Variants in ZNF512 observed in about 807,000 individuals in gnomAD.
ZNF512 encodes the protein zinc finger protein 512.
In ZNF512, 25 loss-of-function variants were observed where a neutral mutation model predicts 77.5. The observed-to-expected ratio is 0.32, with a 90% CI of 0.23 to 0.45. The LOEUF is 0.45. Among genes scored for constraint, ZNF512 ranks in the 20% least tolerant of loss-of-function variants. The pLI is 1.00. For synonymous variants in ZNF512, 246 were observed against 239.9 expected (o/e 1.03, Z -0.24); for missense variants, 483 against 692.6 (o/e 0.70, Z 3.40).
intron 12 of ZNF512, 91 bp from the exon 13 acceptor site, chr2:27,617,382 C>A: frequency 1.4e-6 from 1 of 699,554 alleles, no homozygotes. Context: ...AAGTAGAATT[C>A]CCTCTTTTCA....
At chr2:27,587,731 G>T (rs1671400632) in intron 2 of ZNF512, among the ~76,000 whole-genome samples, 1 of 151,358 alleles carries the variant, frequency 6.6e-6, no homozygotes, top group Non-Finnish European at 1.5e-5. Context: ...GCCCAGGCTG[G>T]AGTGCAATGG....
chr2:27,585,973 T>C (rs565937827), intron 2 of ZNF512, among the ~76,000 whole-genome samples: 1 of 152,292 alleles, frequency 6.6e-6, no homozygotes, highest in East Asian at 1.9e-4. Context: ...TTGAGTGCTT[T>C]AAAAATAAAA....
intron 7 of ZNF512, among the ~76,000 whole-genome samples, 190 bp downstream of exon 7, chr2:27,601,632 C>G (rs1261995654): frequency 6.8e-6 from 1 of 147,358 alleles, no homozygotes; most frequent in Non-Finnish European, 1.5e-5. Flanking sequence ...CGCCACCACG[C>G]CTGGCTAATT....
intron 2 of ZNF512, among the ~76,000 whole-genome samples, chr2:27,585,746 A>T (rs1671294606): frequency 6.6e-6 from 1 of 152,192 alleles, no homozygotes; most frequent in Non-Finnish European, 1.5e-5. Flanking sequence ...AATAGGCTAA[A>T]CTTTTTATGT....
intron 6 of ZNF512, among the ~76,000 whole-genome samples, chr2:27,601,085 C>T (rs1672097400): frequency 6.6e-6 from 1 of 152,034 alleles, no homozygotes; most frequent in African/African-American, 2.4e-5. Context: ...TTATGTAGTC[C>T]ATGAGAGGAT....
chr2:27,600,829 G>C lies in ZNF512; in HGVS notation c.582+14G>C. The C allele has an allele frequency of 6.2e-7, 1 of 1,606,698 alleles. No individual in the cohort carries two copies. The highest frequency in any genetic ancestry group is 8.5e-7 in the Non-Finnish European group (1 of 1,177,446). On this transcript the variant is annotated intron_variant, in intron 6 of 13. Coordinates refer to ENST00000355467, the MANE Select transcript of ZNF512 (RefSeq NM_032434.4). ...AACTGCAAGCAGGTTAGATATTTTG[G>C]CGTTTCATAACTGTTACGATATTTT...
intron 9 of ZNF512, 87 bp from the exon 10 acceptor site, chr2:27,607,758 T>A (rs1021334889): frequency 7.9e-7 from 1 of 1,263,970 alleles, no homozygotes; most frequent in Non-Finnish European, 1.1e-6. Context: ...TCTTTTGATA[T>A]TTAGAGCAGG....
At chr2:27,599,447 A>G (rs774063389) in intron 3 of ZNF512, 136 bp from the exon 4 acceptor site, 11 of 635,442 alleles carry the variant, frequency 1.7e-5, no homozygotes, top group Non-Finnish European at 2.5e-5. Flanking sequence ...AAAATGTCAC[A>G]GACATTTCTC....
At chr2:27,587,193 G>A (rs1671366770) in intron 2 of ZNF512, among the ~76,000 whole-genome samples, 1 of 151,166 alleles carries the variant, frequency 6.6e-6, no homozygotes, top group African/African-American at 2.4e-5. Context: ...TACCAGCAAT[G>A]TATGAGTCAG....
At chr2:27,595,501 A>G (rs914659496) in intron 2 of ZNF512, among the ~76,000 whole-genome samples, 1 of 151,542 alleles carries the variant, frequency 6.6e-6, no homozygotes, top group African/African-American at 2.4e-5. Flanking sequence ...ATTCTTTTGT[A>G]TTTTTAGTAG....
intron 2 of ZNF512, among the ~76,000 whole-genome samples, chr2:27,587,977 GCCTT>G (rs1671413609): frequency 6.6e-6 from 1 of 151,642 alleles, no homozygotes; most frequent in Non-Finnish European, 1.5e-5. Context: ...ACCGCGCCCA[GCCTT>G]CATCTGTTCC....
At chr2:27,603,590 A>ATAT (rs1553352045) in intron 9 of ZNF512, among the ~76,000 whole-genome samples, 12 of 85,660 alleles carry the variant, frequency 1.4e-4, no homozygotes, top group South Asian at 4.4e-4. Context: ...GTGTGTGTAT[A>ATAT]TTTTTTTTTT....
At position 27,598,090 on chromosome 2, in the gene ZNF512, A is replaced by C; in HGVS notation, c.113A>C (p.Lys38Thr). The C allele has an allele frequency of 6.3e-7, 1 of 1,588,652 alleles. No individual in the cohort carries two copies. The highest frequency in any genetic ancestry group is 8.6e-7 in the Non-Finnish European group (1 of 1,161,264). The change falls in exon 3 of 14, where the codon AAG becomes ACG. Residue 38 changes from lysine to threonine, a missense_variant. Around this residue, in one of 2 missense-constraint regions of ZNF512, gnomAD observed 159 missense variants for 167.5 expected, o/e 0.95. Coordinates refer to ENST00000355467, the MANE Select transcript of ZNF512 (RefSeq NM_032434.4). ...AGTAGCAGGACCCAGTGCTCCATAAAGGATAATAGTTTCCAGTACACTATC... is the reference window on the plus strand; with the variant it reads ...AGTAGCAGGACCCAGTGCTCCATAACGGATAATAGTTTCCAGTACACTATC... ...AKNSRTQCSI[K>T]DNSFQYTIPH... is the part of the protein sequence containing the mutation.
intron 2 of ZNF512, among the ~76,000 whole-genome samples, chr2:27,590,883 C>T (rs1022898619): frequency 6.6e-6 from 1 of 152,134 alleles, no homozygotes; most frequent in Non-Finnish European, 1.5e-5. Flanking sequence ...TATTATTTTT[C>T]TTCAGCTGGA....
chr2:27,601,232 G>T, intron 6 of ZNF512, 124 bp from the exon 7 acceptor site: 1 of 669,152 alleles, frequency 1.5e-6, no homozygotes, highest in Admixed American at 3.3e-5. Flanking sequence ...CTGGGATTTT[G>T]AGATTTATTG....
chr2:27,598,323 A>T (rs763419483), intron 3 of ZNF512, 69 bp downstream of exon 3: 3 of 1,496,178 alleles, frequency 2.0e-6, no homozygotes, highest in South Asian at 2.3e-5. Flanking sequence ...ATTGTTATAA[A>T]TACCTCTTAA....
At chr2:27,614,137 T>C (rs1387105851) in intron 10 of ZNF512, among the ~76,000 whole-genome samples, 1 of 152,158 alleles carries the variant, frequency 6.6e-6, no homozygotes, top group Non-Finnish European at 1.5e-5. Flanking sequence ...TTTATGGGCT[T>C]TGGGTGTGTT....
chr2:27,614,542 T>C (rs995164474), intron 10 of ZNF512, among the ~76,000 whole-genome samples: 7 of 151,994 alleles, frequency 4.6e-5, no homozygotes, highest in African/African-American at 1.7e-4. Context: ...TGATTCAAAA[T>C]CCTACCAGAG....
chr2:27,595,854 C>G (rs1919129), intron 2 of ZNF512, among the ~76,000 whole-genome samples: 43,986 of 151,956 alleles, frequency 0.29, 7,619 homozygotes, highest in African/African-American at 0.48. Flanking sequence ...TTTTTGTTGA[C>G]AGTATTTGAT....
Sources: allele counts gnomAD v4.1 joint callset (sites outside exome capture counted in the v4.1 genomes callset), GRCh38; gene constraint gnomAD v4.1.1; regional missense constraint gnomAD v4.1.1; transcripts MANE v1.5; gene names NCBI Gene and HGNC (gene_info 2026-07-23, HGNC 2026-07-21).